The following TCF7L1 variants were observed in gnomAD, a reference collection of about 807,000 sequenced individuals.
TCF7L1 encodes transcription factor 7 like 1.
A neutral mutation model predicts 63.7 loss-of-function variants in TCF7L1; 18 were observed. That is an observed-to-expected ratio of 0.28 (90% confidence interval 0.20 to 0.42). The LOEUF (loss-of-function observed/expected upper bound fraction) is 0.42. Among genes scored for constraint, TCF7L1 ranks in the 10% least tolerant of loss-of-function variants. The probability of loss-of-function intolerance (pLI) is 1.00; values close to 1 mark genes in which losing one functional copy is unlikely to be tolerated. For synonymous variants in TCF7L1, 355 were observed against 340.9 expected (o/e 1.04, Z -0.46); for missense variants, 654 against 779.3 (o/e 0.84, Z 1.91).
intron 4 of TCF7L1, among the ~76,000 whole-genome samples, chr2:85,286,813 C>T (rs1002704450): frequency 6.6e-6 from 1 of 152,082 alleles, no homozygotes; most frequent in Non-Finnish European, 1.5e-5. Context: ...TAAAATTAGC[C>T]AGATGCAGTC....
rs567493221 is a variant in TCF7L1 at position 85,244,816 on chromosome 2, G to A, written c.442-38679G>A. On this transcript the variant is annotated intron_variant, in intron 3 of 11. Transcript: ENST00000282111. ...GAGACTGAAGCTGAGAAAAAAAGAG[G>A]TCAAGGGCTGAGCCGTGGGCACTAC... Among the ~76,000 whole-genome samples, 8 of 152,272 alleles carry A rather than the reference G, an allele frequency of 5.3e-5. No homozygotes were observed. The South Asian group carries it at 1.7e-3, about 32-fold the overall frequency.
At chr2:85,225,537 T>G (rs943370742) in intron 3 of TCF7L1, among the ~76,000 whole-genome samples, 5 of 152,166 alleles carry the variant, frequency 3.3e-5, no homozygotes, top group Non-Finnish European at 7.3e-5. Flanking sequence ...CTCTTTGTAG[T>G]AATTGTGAAT....
intron 3 of TCF7L1, among the ~76,000 whole-genome samples, chr2:85,253,865 A>C (rs1346665969): frequency 1.3e-5 from 2 of 152,384 alleles, no homozygotes; most frequent in East Asian, 3.9e-4. Context: ...CTTTAGATCA[A>C]GGTAACAACT....
intron 3 of TCF7L1, among the ~76,000 whole-genome samples, chr2:85,256,749 G>A (rs754970684): frequency 1.9e-4 from 29 of 152,110 alleles, no homozygotes; most frequent in Non-Finnish European, 3.7e-4. Context: ...TTGGGAGGCC[G>A]AGGTGGGTGG....
chr2:85,270,258 G>A (rs919196536), intron 3 of TCF7L1, among the ~76,000 whole-genome samples: 6 of 152,188 alleles, frequency 3.9e-5, no homozygotes, highest in African/African-American at 1.4e-4. Context: ...TCCTCCCATA[G>A]GGGAAAGTCC....
At position 85,262,094 on chromosome 2, in the gene TCF7L1, A is replaced by G. The variant is rs1680869849; in HGVS notation, c.442-21401A>G. The G allele has an allele frequency of 9.2e-6, 5 of 541,738 alleles. No individual in the cohort carries two copies. In the East Asian group the frequency reaches 2.5e-4, roughly 27 times the overall value. The allele number at this position is 541,738 out of a possible 1,614,324, so 33.6% of individuals were successfully genotyped here. A position where few individuals can be genotyped will look rare whatever the true frequency, so the allele number is the denominator to read the frequency against. ...ACCTCCTTTTAGCATGATCCGACCC[A>G]GTTGTTTTCTTGACTTTGTTTTAGA... On this transcript the variant is annotated intron_variant, in intron 3 of 11. Transcript: ENST00000282111.
chr2:85,185,421 C>T (rs1034558351), intron 3 of TCF7L1, among the ~76,000 whole-genome samples: 1 of 152,056 alleles, frequency 6.6e-6, no homozygotes, highest in African/African-American at 2.4e-5. Context: ...CCACACTCAG[C>T]AACATCACGT....
At chr2:85,277,068 G>A (rs4832152) in intron 3 of TCF7L1, among the ~76,000 whole-genome samples, 37,873 of 151,936 alleles carry the variant, frequency 0.25, 5,286 homozygotes, top group East Asian at 0.56. Flanking sequence ...GCTGGGGTGG[G>A]GGGCGGTGAG....
chr2:85,180,256 G>A (rs1202679378), intron 3 of TCF7L1, among the ~76,000 whole-genome samples: 1 of 150,140 alleles, frequency 6.7e-6, no homozygotes, highest in African/African-American at 2.5e-5. Flanking sequence ...GGTAGAGACA[G>A]GGTCTTGCTA....
intron 3 of TCF7L1, among the ~76,000 whole-genome samples, chr2:85,147,538 T>A (rs924112709): frequency 6.6e-6 from 1 of 151,552 alleles, no homozygotes; most frequent in African/African-American, 2.4e-5. Flanking sequence ...TCCAAGGGGA[T>A]TCCAGAGAAA....
intron 3 of TCF7L1, among the ~76,000 whole-genome samples, chr2:85,237,105 C>CAGG (rs1196320971): frequency 6.6e-6 from 1 of 152,188 alleles, no homozygotes; most frequent in African/African-American, 2.4e-5. Flanking sequence ...AAGTATGGTC[C>CAGG]AGGAGGTGGT....
intron 3 of TCF7L1, among the ~76,000 whole-genome samples, chr2:85,175,182 T>TACAACTGAG (rs1678650235): frequency 1.3e-5 from 2 of 152,210 alleles, no homozygotes; most frequent in South Asian, 2.1e-4. Context: ...GGTGGAAGTG[T>TACAACTGAG]GAATGGAGAC....
At chr2:85,135,596 G>T (rs1677573742) in intron 3 of TCF7L1, among the ~76,000 whole-genome samples, 1 of 152,062 alleles carries the variant, frequency 6.6e-6, no homozygotes, top group South Asian at 2.1e-4. Flanking sequence ...GGTGCTGAAT[G>T]GCCATTCCTG....
rs531067252 is a variant in TCF7L1 at position 85,236,524 on chromosome 2, G to T, written c.442-46971G>T. Among the ~76,000 whole-genome samples, 3 of 152,284 alleles carry T rather than the reference G, an allele frequency of 2.0e-5. No individual in the cohort carries two copies. The South Asian group carries it at 6.2e-4, about 32-fold the overall frequency. On this transcript the variant is annotated intron_variant, in intron 3 of 11. Transcript: ENST00000282111. ...TGGTGTGTCCCTGGAGCCCCAGAAT[G>T]TAAGAATGAATTTTCAAGAGAAAGG...
chr2:85,283,376 G>A (rs1344135198), intron 3 of TCF7L1, 119 bp from the exon 4 acceptor site: 1 of 990,986 alleles, frequency 1.0e-6, no homozygotes, highest in East Asian at 2.4e-5. Context: ...CATGTGGCAT[G>A]AAAATGCAGG....
At chr2:85,304,774 C>G (rs551973596) in intron 7 of TCF7L1, among the ~76,000 whole-genome samples, 90 of 152,248 alleles carry the variant, frequency 5.9e-4, no homozygotes, top group African/African-American at 2.0e-3. Flanking sequence ...GTTTTTGCAC[C>G]ATCGTAAAGT....
chr2:85,207,673 TATG>T (rs1398650205), intron 3 of TCF7L1, among the ~76,000 whole-genome samples: 1 of 151,556 alleles, frequency 6.6e-6, no homozygotes, highest in Non-Finnish European at 1.5e-5. Context: ...GCCCCTAACT[TATG>T]ATGGTTTGAC....
Position 85,134,664 on chromosome 2 carries a change from C to T in TCF7L1, c.441+214C>T, listed in dbSNP as rs572744804. ...AGTTACTTTAACTTTTCCCCTCTTG[C>T]GGGTTGAGGTTTTGGAGTCCACCTC... On this transcript the variant is annotated intron_variant, in intron 3 of 11. Coordinates refer to ENST00000282111, the MANE Select transcript of TCF7L1 (RefSeq NM_031283.3). The surrounding 1 kb of genome is among the most constrained non-coding windows in gnomAD (Gnocchi z 5.0). Among the ~76,000 whole-genome samples the T allele has an allele frequency of 2.6e-5, 4 of 152,348 alleles. No homozygotes were observed. Among genetic ancestry groups the T allele is most frequent in the Non-Finnish European group, 4.4e-5 (3 of 68,032 alleles).
intron 3 of TCF7L1, among the ~76,000 whole-genome samples, chr2:85,151,888 T>C (rs1029167847): frequency 2.6e-5 from 4 of 152,246 alleles, no homozygotes; most frequent in Non-Finnish European, 5.9e-5. Flanking sequence ...TTTTAGATCA[T>C]ATGGGGAAAG....
Sources: allele counts gnomAD v4.1 joint callset (sites outside exome capture counted in the v4.1 genomes callset), GRCh38; gene constraint gnomAD v4.1.1; non-coding constraint Gnocchi (gnomAD v3.1); transcripts MANE v1.5; gene names NCBI Gene and HGNC (gene_info 2026-07-23, HGNC 2026-07-21).